PPA2: variants seen among roughly 807,000 people sequenced by gnomAD.
PPA2 encodes the protein inorganic pyrophosphatase 2, mitochondrial.
PPA2 carries 48 observed loss-of-function variants against 49.5 expected under a neutral mutation model. The ratio of observed to expected loss-of-function variants is 0.97; its 90% confidence interval spans 0.77 to 1.23. PPA2 has a LOEUF of 1.23. Among genes scored for constraint, PPA2 ranks in the 50% most tolerant of loss-of-function variants. The pLI, the probability that PPA2 is intolerant of heterozygous loss-of-function variation, is 0.00. For missense variants in PPA2, 429 were observed against 410.1 expected, an observed-to-expected ratio of 1.05 and a Z score of -0.40; for synonymous variants, 131 against 139.9, an observed-to-expected ratio of 0.94 and a Z score of 0.45.
chr4:105,473,841 C>T (rs1007485856), intron 1 of PPA2, 53 bp downstream of exon 1: 2 of 1,560,716 alleles, frequency 1.3e-6, no homozygotes, highest in Admixed American at 3.7e-5. Flanking sequence ...CATTCCATCC[C>T]CCACCCAGGT....
chr4:105,473,693 T>A, intron 1 of PPA2: 1 of 873,588 alleles, frequency 1.1e-6, no homozygotes, highest in South Asian at 1.3e-5. Flanking sequence ...GGGGTCTTGA[T>A]CCGCCGCCTC....
At chr4:105,433,816 A>G (rs568115233) in intron 6 of PPA2, among the ~76,000 whole-genome samples, 1 of 152,360 alleles carries the variant, frequency 6.6e-6, no homozygotes, top group African/African-American at 2.4e-5. Context: ...CTCAAGCCCA[A>G]AAGGAACATA....
intron 5 of PPA2, among the ~76,000 whole-genome samples, chr4:105,439,557 T>C (rs765028501): frequency 2.6e-5 from 4 of 152,132 alleles, no homozygotes; most frequent in African/African-American, 7.2e-5. Context: ...CAGAGATTTA[T>C]AGGAAACAGT....
At chr4:105,437,845 T>C in intron 6 of PPA2, 105 bp downstream of exon 6, 1 of 764,006 alleles carries the variant, frequency 1.3e-6, no homozygotes, top group Non-Finnish European at 2.0e-6. Flanking sequence ...GAGAAATCAA[T>C]AGGCTTGAAC....
In PPA2 at chr4:105,386,522, T is replaced by A. The variant is rs370002413; in HGVS notation, c.939+45A>T. 10 of 1,548,908 alleles carry A rather than the reference T, an allele frequency of 6.5e-6. No individual in the cohort carries two copies. In the African/African-American group the frequency reaches 6.8e-5, roughly 11 times the overall value. On this transcript the variant is annotated intron_variant, in intron 10 of 11. Coordinates refer to ENST00000341695, the MANE Select transcript of PPA2 (RefSeq NM_176869.3). ...TTCAGAATTTCTACTAGACTTCCTA[T>A]GACATTTATAAGATTAAAGGATGTC...
At chr4:105,430,265 T>C (rs1723734872) in intron 6 of PPA2, among the ~76,000 whole-genome samples, 1 of 152,210 alleles carries the variant, frequency 6.6e-6, no homozygotes, top group Admixed American at 6.5e-5. Flanking sequence ...GGAAGTTGAT[T>C]CTAAAATCTT....
intron 9 of PPA2, among the ~76,000 whole-genome samples, chr4:105,393,485 AAATAATAATAATAATAATAATAATAAT>A (rs57790851): frequency 2.2e-4 from 29 of 132,802 alleles, no homozygotes; most frequent in Admixed American, 2.0e-3. Flanking sequence ...CACTGTCTCA[AAATAATAATAATAATAATAATAATAAT>A]AATAATAATA....
At chr4:105,370,933 C>T in intron 10 of PPA2, 60 bp from the exon 11 acceptor site, 1 of 1,385,046 alleles carries the variant, frequency 7.2e-7, no homozygotes, top group South Asian at 1.5e-5. Context: ...GTGGAAAGCG[C>T]ATCCAGAAGT....
intron 1 of PPA2, among the ~76,000 whole-genome samples, chr4:105,462,819 G>A (rs1022138282): frequency 6.6e-6 from 1 of 152,116 alleles, no homozygotes; most frequent in Non-Finnish European, 1.5e-5. Context: ...ATTACAGAAG[G>A]GGTAGTGTTC....
chr4:105,381,331 G>T (rs978749176), intron 10 of PPA2, among the ~76,000 whole-genome samples: 1 of 151,790 alleles, frequency 6.6e-6, no homozygotes, highest in Non-Finnish European at 1.5e-5. Context: ...GGCTTATCTT[G>T]TAACTTATTT....
chr4:105,369,432 C>A lies in PPA2; in HGVS notation c.*293G>T, dbSNP rs1732932890. ...TAGAGATGGGGTTTCAACATACTGG[C>A]CAGGCTGGTCTTGAACTCCTGACCT... On this transcript the variant is annotated 3_prime_UTR_variant, in exon 12 of 12. Transcript: ENST00000341695. 1 of 311,988 alleles carries A rather than the reference C, an allele frequency of 3.2e-6. No individual in the cohort carries two copies. The highest frequency in any genetic ancestry group is 2.2e-5 in the African/African-American group (1 of 45,680). The allele number at this position is 311,988 out of a possible 1,614,324, so 19.3% of individuals were successfully genotyped here.
At chr4:105,376,151 T>C (rs2636696) in intron 10 of PPA2, among the ~76,000 whole-genome samples, 78,574 of 152,060 alleles carry the variant, frequency 0.52, 21,236 homozygotes, top group East Asian at 0.68. Context: ...AATGCCAATA[T>C]GCATTTATGG....
chr4:105,469,129 C>T (rs1234145459), intron 1 of PPA2, among the ~76,000 whole-genome samples: 1 of 152,150 alleles, frequency 6.6e-6, no homozygotes, highest in South Asian at 2.1e-4. Context: ...CTTACTATCA[C>T]TTTAATAGGA....
chr4:105,450,152 A>G (rs1356060140), intron 3 of PPA2, among the ~76,000 whole-genome samples: 2 of 152,192 alleles, frequency 1.3e-5, no homozygotes, highest in Non-Finnish European at 2.9e-5. Flanking sequence ...GAAAGTCTTA[A>G]GGTTAAAGTT....
At chr4:105,458,751 G>C (rs1389726556) in intron 1 of PPA2, among the ~76,000 whole-genome samples, 1 of 148,668 alleles carries the variant, frequency 6.7e-6, no homozygotes, top group African/African-American at 2.5e-5. Context: ...CAACCCAGGA[G>C]GCGGAGGTTG....
intron 4 of PPA2, 143 bp from the exon 5 acceptor site, chr4:105,446,645 T>C: frequency 9.6e-7 from 1 of 1,038,218 alleles, no homozygotes; most frequent in Non-Finnish European, 1.4e-6. Context: ...TAAAAGAAAT[T>C]AAGCCAGCTC....
chr4:105,436,410 C>G (rs1044601653), intron 6 of PPA2, among the ~76,000 whole-genome samples: 18 of 152,124 alleles, frequency 1.2e-4, no homozygotes, highest in African/African-American at 3.9e-4. Flanking sequence ...TCTGGAGATT[C>G]AGTGTAATTC....
chr4:105,462,208 TAA>T (rs779735051), intron 1 of PPA2, among the ~76,000 whole-genome samples: 4 of 144,952 alleles, frequency 2.8e-5, no homozygotes, highest in Non-Finnish European at 3.0e-5. Context: ...AGCACTAGGT[TAA>T]AAAAAAAAAA....
intron 7 of PPA2, among the ~76,000 whole-genome samples, chr4:105,402,705 T>A (rs1269564927): frequency 6.6e-6 from 1 of 152,104 alleles, no homozygotes; most frequent in East Asian, 1.9e-4. Flanking sequence ...TGTTTTAAGA[T>A]CTTTCTATCT....
Sources: gnomAD v4.1 joint callset for allele counts (sites outside exome capture counted in the v4.1 genomes callset) on GRCh38, gnomAD v4.1.1 for gene constraint, MANE v1.5 for transcripts, NCBI Gene and HGNC (gene_info 2026-07-23, HGNC 2026-07-21) for gene names.